Variants in DRC8 observed in about 807,000 individuals in gnomAD.
The protein encoded by DRC8 is dynein regulatory complex protein 8.
chr1:245,035,797 G>A, the DRC8 span, among the ~76,000 whole-genome samples: 1 of 150,980 alleles, frequency 6.6e-6, no homozygotes, highest in African/African-American at 2.4e-5. Flanking sequence ...AACCTGGAAG[G>A]CGGGGGTTGC....
chr1:245,113,636 G>A, the DRC8 span, among the ~76,000 whole-genome samples: 2 of 151,980 alleles, frequency 1.3e-5, no homozygotes, highest in African/African-American at 2.4e-5. Context: ...GAACATTAAC[G>A]TGTTCAAATA....
At chr1:245,112,144 C>T in the DRC8 span, among the ~76,000 whole-genome samples, 145 of 152,326 alleles carry the variant, frequency 9.5e-4, no homozygotes, top group African/African-American at 3.3e-3. Flanking sequence ...GCACAATTTC[C>T]GCTCACTGCA....
the DRC8 span, among the ~76,000 whole-genome samples, chr1:245,028,798 G>A: frequency 6.6e-6 from 1 of 152,212 alleles, no homozygotes; most frequent in Non-Finnish European, 1.5e-5. Context: ...CAGTCACCCA[G>A]TTCCCTCTAA....
chr1:244,995,529 T>C, the DRC8 span, among the ~76,000 whole-genome samples: 2 of 152,186 alleles, frequency 1.3e-5, no homozygotes, highest in Non-Finnish European at 2.9e-5. Context: ...TCACTATTTT[T>C]AAATTTTTTT....
the DRC8 span, among the ~76,000 whole-genome samples, chr1:245,019,917 A>G: frequency 6.6e-6 from 1 of 152,190 alleles, no homozygotes; most frequent in Non-Finnish European, 1.5e-5. Context: ...GTGAGCTGAG[A>G]TTGCACCACT....
At chr1:245,092,327 G>A in the DRC8 span, among the ~76,000 whole-genome samples, 4 of 152,180 alleles carry the variant, frequency 2.6e-5, no homozygotes, top group Admixed American at 6.5e-5. Flanking sequence ...TATTTTCTGT[G>A]GGATGGAATG....
the DRC8 span, among the ~76,000 whole-genome samples, chr1:244,994,860 G>GA: frequency 6.6e-6 from 1 of 152,290 alleles, no homozygotes; most frequent in Admixed American, 6.5e-5. Flanking sequence ...GAAGTCTTAA[G>GA]AAAGGACTGT....
chr1:245,063,341 C>T, the DRC8 span, among the ~76,000 whole-genome samples: 4 of 152,146 alleles, frequency 2.6e-5, no homozygotes, highest in Non-Finnish European at 5.9e-5. Flanking sequence ...TCTTGCTTAT[C>T]CAGTTTTATA....
At chr1:245,015,635 G>A in the DRC8 span, 376 of 175,358 alleles carry the variant, frequency 2.1e-3, 2 homozygotes, top group Non-Finnish European at 3.6e-3. Context: ...GCTTGAACCC[G>A]GGAGGTGGAG....
the DRC8 span, chr1:245,121,915 T>C: frequency 2.4e-6 from 1 of 422,148 alleles, no homozygotes; most frequent in Non-Finnish European, 4.6e-6. Flanking sequence ...TTTATTTTAT[T>C]TTAGATGGAG....
the DRC8 span, among the ~76,000 whole-genome samples, chr1:245,118,361 T>C: frequency 6.6e-6 from 1 of 152,018 alleles, no homozygotes; most frequent in Non-Finnish European, 1.5e-5. Context: ...CCAGGTGAGG[T>C]TGTGGCTTCC....
At chr1:245,039,599 G>A in the DRC8 span, among the ~76,000 whole-genome samples, 11 of 152,280 alleles carry the variant, frequency 7.2e-5, no homozygotes, top group Non-Finnish European at 1.5e-4. Flanking sequence ...GAGATGTACT[G>A]GAGTTTCACC....
chr1:245,112,108 C>T, the DRC8 span, among the ~76,000 whole-genome samples: 2 of 152,350 alleles, frequency 1.3e-5, no homozygotes, highest in African/African-American at 4.8e-5. Context: ...GAGTTTCGCT[C>T]TTGTTGCCCA....
chr1:245,115,169 C>T, the DRC8 span, among the ~76,000 whole-genome samples: 2 of 152,216 alleles, frequency 1.3e-5, no homozygotes, highest in Non-Finnish European at 2.9e-5. Flanking sequence ...CCTGCCTCAG[C>T]CTCCCAAGTA....
At chr1:245,005,314 A>G in the DRC8 span, among the ~76,000 whole-genome samples, 5 of 151,174 alleles carry the variant, frequency 3.3e-5, no homozygotes, top group Non-Finnish European at 7.4e-5. Flanking sequence ...CGTCTCTTCA[A>G]TTTTTGGGAA....
chr1:245,026,171 A>T, the DRC8 span, among the ~76,000 whole-genome samples: 6 of 152,156 alleles, frequency 3.9e-5, no homozygotes, highest in Admixed American at 2.0e-4. Context: ...CATTGCTTCC[A>T]TCTTCAACTC....
chr1:245,084,072 C>CCT, the DRC8 span, among the ~76,000 whole-genome samples: 2 of 109,122 alleles, frequency 1.8e-5, no homozygotes, highest in Admixed American at 9.0e-5. Flanking sequence ...GCCCCCCCCC[C>CCT]GGCGCCCCGG....
At chr1:245,087,426 CA>C in the DRC8 span, 3 of 1,511,090 alleles carry the variant, frequency 2.0e-6, no homozygotes, top group Non-Finnish European at 2.6e-6. Context: ...GTTAATTTCA[CA>C]TCTTATCTTA....
the DRC8 span, among the ~76,000 whole-genome samples, chr1:245,109,311 A>G: frequency 6.6e-6 from 1 of 152,132 alleles, no homozygotes; most frequent in Non-Finnish European, 1.5e-5. Flanking sequence ...ATTGCAATGG[A>G]AAGGCTCAAA....
Sources: gnomAD v4.1 joint callset for allele counts (sites outside exome capture counted in the v4.1 genomes callset) on GRCh38, gnomAD v4.1.1 for gene constraint, MANE v1.5 for transcripts, NCBI Gene and HGNC (gene_info 2026-07-23, HGNC 2026-07-21) for gene names.